The following GRIP1 variants were observed in gnomAD, a reference collection of about 807,000 sequenced individuals.
The protein encoded by GRIP1 is glutamate receptor-interacting protein 1.
In GRIP1, 45 loss-of-function variants were observed where a neutral mutation model predicts 129.9. The observed-to-expected ratio is 0.35, with a 90% CI of 0.27 to 0.44. GRIP1 has a LOEUF of 0.44. GRIP1 is among the 20% of genes least tolerant of loss of function. The pLI, the probability that GRIP1 is intolerant of heterozygous loss-of-function variation, is 1.00. For missense variants in GRIP1, 1,196 were observed against 1,396.8 expected (o/e 0.86, Z 2.29); for synonymous variants, 530 against 520.8 (o/e 1.02, Z -0.24).
At chr12:66,375,477 A>T (rs2055741847) in intron 22 of GRIP1, among the ~76,000 whole-genome samples, 3 of 152,242 alleles carry the variant, frequency 2.0e-5, no homozygotes, top group African/African-American at 2.4e-5. Flanking sequence ...TTTGTATAAT[A>T]GCATTTCCAA....
intron 1 of GRIP1, among the ~76,000 whole-genome samples, chr12:67,016,787 T>C: frequency 6.6e-6 from 1 of 152,216 alleles, no homozygotes; most frequent in South Asian, 2.1e-4. Context: ...AAAATGTTTG[T>C]GCATACATCA....
rs143788455 is a variant in GRIP1, at chr12:66,917,109, G to A, written c.58+151941C>T. ...ATTTAATGTAAAGAGGGTTTTCTCCGTCTACCATAATCTTAAAATTGCATC... is the reference window on the plus strand; with the variant it reads ...ATTTAATGTAAAGAGGGTTTTCTCCATCTACCATAATCTTAAAATTGCATC... On this transcript the variant is annotated intron_variant, in intron 1 of 1. Transcript: ENST00000643019. Among the ~76,000 whole-genome samples, 1,080 of 152,154 alleles carry A rather than the reference G, an allele frequency of 7.1e-3. 4 individuals carry two copies. Among genetic ancestry groups the A allele is most frequent in the Non-Finnish European group, 0.012 (782 of 67,990 alleles).
intron 1 of GRIP1, among the ~76,000 whole-genome samples, chr12:66,924,895 G>C (rs991603736): frequency 2.6e-5 from 4 of 152,154 alleles, no homozygotes; most frequent in African/African-American, 9.7e-5. Context: ...GTGTGAACCC[G>C]GGAGGTGGAG....
chr12:67,050,987 G>T (rs1225861056), intron 1 of GRIP1, among the ~76,000 whole-genome samples: 1 of 152,160 alleles, frequency 6.6e-6, no homozygotes, highest in African/African-American at 2.4e-5. Context: ...AGTATCCTGA[G>T]ACTTAGGCAG....
intron 5 of GRIP1, among the ~76,000 whole-genome samples, chr12:66,527,596 G>A (rs1382667178): frequency 1.3e-5 from 2 of 151,994 alleles, no homozygotes; most frequent in Non-Finnish European, 2.9e-5. Context: ...AATGGATGCA[G>A]CACACCAACA....
At chr12:66,837,514 T>C (rs1592891924) in intron 1 of GRIP1, among the ~76,000 whole-genome samples, 1 of 152,156 alleles carries the variant, frequency 6.6e-6, no homozygotes, top group Non-Finnish European at 1.5e-5. Flanking sequence ...CAGTGTGGTA[T>C]GTGTGCAGCA....
At chr12:66,787,048 C>T (rs1005889273) in intron 1 of GRIP1, among the ~76,000 whole-genome samples, 4 of 152,116 alleles carry the variant, frequency 2.6e-5, no homozygotes, top group Admixed American at 2.0e-4. Context: ...GTGACTACAG[C>T]TTATGAGGTT....
chr12:66,532,572 GACTT>G (rs1398420705), intron 4 of GRIP1, among the ~76,000 whole-genome samples: 2 of 152,146 alleles, frequency 1.3e-5, no homozygotes, highest in African/African-American at 2.4e-5. Context: ...TTGCCCATGT[GACTT>G]ACTTTTGCCA....
upstream of GRIP1, among the ~76,000 whole-genome samples, chr12:66,683,900 A>T (rs528083209): frequency 1.3e-5 from 2 of 152,230 alleles, no homozygotes; most frequent in African/African-American, 4.8e-5. Flanking sequence ...GGTATGTCCA[A>T]CTGTTTATGG....
intron 1 of GRIP1, among the ~76,000 whole-genome samples, chr12:66,968,475 C>T (rs770471113): frequency 6.6e-6 from 1 of 151,930 alleles, no homozygotes; most frequent in Non-Finnish European, 1.5e-5. Flanking sequence ...TTTAATTGAG[C>T]GTTTTATATA....
chr12:66,773,873 T>C (rs1415622198), intron 1 of GRIP1, among the ~76,000 whole-genome samples: 1 of 152,180 alleles, frequency 6.6e-6, no homozygotes. Context: ...AAATATACTA[T>C]GAGGCAGCTC....
chr12:66,381,615 C>T (rs978594194), intron 19 of GRIP1, among the ~76,000 whole-genome samples: 2 of 152,170 alleles, frequency 1.3e-5, no homozygotes, highest in African/African-American at 4.8e-5. Context: ...CCACTGAATT[C>T]CCTGGTGAAA....
intron 16 of GRIP1, among the ~76,000 whole-genome samples, chr12:66,397,110 C>CAAAAA (rs71436004): frequency 2.1e-3 from 128 of 59,712 alleles, no homozygotes; most frequent in Non-Finnish European, 2.8e-3. Flanking sequence ...GACTCTGTCT[C>CAAAAA]AAAAAAAAAA....
At chr12:66,826,482 T>C (rs2039415882) in intron 1 of GRIP1, among the ~76,000 whole-genome samples, 1 of 151,872 alleles carries the variant, frequency 6.6e-6, no homozygotes, top group African/African-American at 2.4e-5. Context: ...AGTCTTCAAC[T>C]ACTACTCAGA....
intron 1 of GRIP1, among the ~76,000 whole-genome samples, chr12:66,717,306 C>T (rs2035920417): frequency 6.6e-6 from 1 of 151,686 alleles, no homozygotes; most frequent in Admixed American, 6.6e-5. Flanking sequence ...TGCTTTATGA[C>T]ATCTTTGTGT....
At position 66,983,315 on chromosome 12, in the gene GRIP1, A is replaced by G. The variant is rs7484506; in HGVS notation, c.58+85735T>C. Among the ~76,000 whole-genome samples, 127 of 152,280 alleles carry G rather than the reference A, an allele frequency of 8.3e-4. 2 individuals are homozygous for G. Among genetic ancestry groups the G allele is most frequent in the African/African-American group, 2.9e-3 (122 of 41,582 alleles). ...TAATAAATTAATAACAAAAACTATA[A>G]TTTTCCTACTCAGCTGTGTTGAAGT... On this transcript the variant is annotated intron_variant, in intron 1 of 1. Transcript: ENST00000643019.
rs1566044338 is a variant in GRIP1, at chr12:66,834,935, A to AG, written c.58+234114_58+234115insC. On this transcript the variant is annotated intron_variant, in intron 1 of 1. Coordinates refer to the GRIP1 transcript ENST00000643019. Reference sequence around the variant, plus strand: ...ACAAGACTCGTCTCTTTAAAAAAAAAAGGGGGGGGGGCAGGAGTAGGGGAG... The same window carrying AG: ...ACAAGACTCGTCTCTTTAAAAAAAAAGAGGGGGGGGGGCAGGAGTAGGGGAG... Among the ~76,000 whole-genome samples, 384 of 130,968 alleles carry AG rather than the reference A, an allele frequency of 2.9e-3. 9 individuals carry two copies. The highest frequency in any genetic ancestry group is 0.011 in the African/African-American group (368 of 34,208). 85.9% of individuals were successfully genotyped at this position (130,968 alleles called of 152,430 possible). A position where few individuals can be genotyped will look rare whatever the true frequency, so the allele number is the denominator to read the frequency against.
chr12:67,012,402 A>T (rs963918979), intron 1 of GRIP1, among the ~76,000 whole-genome samples: 6 of 152,140 alleles, frequency 3.9e-5, no homozygotes, highest in African/African-American at 1.4e-4. Context: ...GAGCCTAAAG[A>T]TCCATCTTCC....
At chr12:66,936,969 G>A (rs2041496341) in intron 1 of GRIP1, among the ~76,000 whole-genome samples, 1 of 152,102 alleles carries the variant, frequency 6.6e-6, no homozygotes, top group Non-Finnish European at 1.5e-5. Flanking sequence ...TGGACTTGGT[G>A]GCTTCTGCCA....
Sources: gnomAD v4.1 joint callset for allele counts (sites outside exome capture counted in the v4.1 genomes callset) on GRCh38, gnomAD v4.1.1 for gene constraint, MANE v1.5 for transcripts, NCBI Gene and HGNC (gene_info 2026-07-23, HGNC 2026-07-21) for gene names.